FAM13B: variants seen among roughly 807,000 people sequenced by gnomAD.
The protein encoded by FAM13B is protein FAM13B.
In FAM13B, 60 loss-of-function variants were observed where a neutral mutation model predicts 117.3. The observed-to-expected ratio is 0.51, with a 90% confidence interval of 0.42 to 0.63. The LOEUF is 0.63. FAM13B is among the 30% of genes least tolerant of loss of function. The pLI, the probability that FAM13B is intolerant of heterozygous loss-of-function variation, is 0.00. For synonymous variants in FAM13B, 332 were observed against 356.1 expected, an observed-to-expected ratio of 0.93 and a Z score of 0.76; for missense variants, 972 against 1,091.9, an observed-to-expected ratio of 0.89 and a Z score of 1.55.
intron 15 of FAM13B, 118 bp downstream of exon 15, chr5:137,954,041 CTTTTTTT>C: frequency 7.7e-6 from 3 of 388,180 alleles, no homozygotes; most frequent in African/African-American, 2.5e-5. Flanking sequence ...CAATCTCTCT[CTTTTTTT>C]TTTTTTTTTT....
chr5:137,970,779 A>G (rs1322657963), intron 10 of FAM13B, among the ~76,000 whole-genome samples: 1 of 152,124 alleles, frequency 6.6e-6, no homozygotes, highest in East Asian at 1.9e-4. Context: ...TACCAAGCAA[A>G]TGGAAAACAA....
intron 10 of FAM13B, among the ~76,000 whole-genome samples, chr5:137,968,020 G>C (rs937044695): frequency 6.6e-6 from 1 of 151,916 alleles, no homozygotes; most frequent in Non-Finnish European, 1.5e-5. Flanking sequence ...TCAGGAGTTC[G>C]AGACCAACCT....
At chr5:137,947,907 A>G (rs1167733418) in intron 18 of FAM13B, among the ~76,000 whole-genome samples, 2 of 152,078 alleles carry the variant, frequency 1.3e-5, no homozygotes, top group Non-Finnish European at 2.9e-5. Context: ...TTTTTAAGCA[A>G]AAGAAAAGTT....
rs572828557 is a variant in FAM13B at position 138,003,458 on chromosome 5, T to C, written c.848+3532A>G. On this transcript the variant is annotated intron_variant, in intron 7 of 23. Coordinates refer to ENST00000689681, the MANE Select transcript of FAM13B (RefSeq NM_001385994.1). ...GGTACTTTTTAATCTTTATACACTT[T>C]ATCAGCCAAAACTAAAATAAAAAGG... Among the ~76,000 whole-genome samples, 27 of 152,322 alleles carry C rather than the reference T, an allele frequency of 1.8e-4. No individual in the cohort carries two copies. In the South Asian group the frequency reaches 5.2e-3, roughly 29 times the overall value.
At chr5:137,966,476 TATATATATATATAG>T (rs1179081542) in intron 10 of FAM13B, among the ~76,000 whole-genome samples, 1 of 66,906 alleles carries the variant, frequency 1.5e-5, no homozygotes, top group Non-Finnish European at 3.0e-5. Flanking sequence ...TATATATATA[TATATATATATATAG>T]AGAGAGAGAG....
Position 137,948,956 on chromosome 5 carries a change from T to C in FAM13B, c.2159A>G (p.Lys720Arg). The change falls in exon 18 of 24, where the codon AAG (lysine) becomes AGG (arginine). Residue 720 changes from lysine to arginine, a missense_variant and splice_region_variant. Physicochemically the swap from Lys to Arg is conservative, Grantham distance 26. Transcript: ENST00000689681. ...RIERCLPEDI[K>R]KMTKDHLVEE... ...GCAAAAATCATAGCTCAAGATTACC[T>C]TGATATCTTCTGGAAGACACCTCTC... The C allele has an allele frequency of 1.2e-6, 2 of 1,610,872 alleles. No individual in the cohort carries two copies. The highest frequency in any genetic ancestry group is 2.7e-5 in the African/African-American group (2 of 74,906).
intron 1 of FAM13B, 94 bp downstream of exon 1, chr5:138,032,688 T>C (rs1790459884): frequency 4.1e-6 from 4 of 979,060 alleles, no homozygotes; most frequent in Non-Finnish European, 4.9e-6. Context: ...CAGGCGCGGG[T>C]GGCAGGCGGC....
intron 1 of FAM13B, among the ~76,000 whole-genome samples, chr5:138,047,097 C>T (rs1266246024): frequency 1.3e-5 from 2 of 152,062 alleles, no homozygotes; most frequent in Admixed American, 6.6e-5. Flanking sequence ...ATGGAGTGAG[C>T]TATCTGTAGA....
In FAM13B at chr5:137,949,091, T is replaced by A; in HGVS notation, c.2024A>T (p.His675Leu). 1 of 1,614,108 alleles carries A rather than the reference T, an allele frequency of 6.2e-7. No homozygotes were observed. Among genetic ancestry groups the A allele is most frequent in the Non-Finnish European group, 8.5e-7 (1 of 1,179,986 alleles). Residue 675 changes from histidine to leucine, a missense_variant, in exon 18 of 24, where the codon CAT (histidine) becomes CTT (leucine). By Grantham distance (99) the His-to-Leu change is moderately conservative. Transcript: ENST00000689681. ...LPKSFGSSLD[H>L]EDEENEDEPK... ...TTCATCTTCATTCTCTTCATCTTCATGGTCTAGAGAAGAGCCAAAGCTTTT... is the reference window on the plus strand; with the variant it reads ...TTCATCTTCATTCTCTTCATCTTCAAGGTCTAGAGAAGAGCCAAAGCTTTT...
chr5:137,974,376 G>A (rs1444306404), intron 10 of FAM13B, among the ~76,000 whole-genome samples: 18 of 145,372 alleles, frequency 1.2e-4, no homozygotes, highest in South Asian at 2.2e-4. Context: ...ACCAAACACC[G>A]CATATTCTCA....
At chr5:137,954,060 T>TTTTA in intron 15 of FAM13B, 106 bp downstream of exon 15, 26 of 523,716 alleles carry the variant, frequency 5.0e-5, no homozygotes, top group South Asian at 2.2e-4. Flanking sequence ...TTTTTTTTTT[T>TTTTA]GAGATGGAGT....
intron 10 of FAM13B, among the ~76,000 whole-genome samples, chr5:137,973,264 T>C (rs1772854617): frequency 6.6e-6 from 1 of 152,128 alleles, no homozygotes; most frequent in South Asian, 2.1e-4. Flanking sequence ...AACAGAGATA[T>C]AGATCAATGG....
intron 1 of FAM13B, among the ~76,000 whole-genome samples, chr5:138,049,625 T>C (rs1333445493): frequency 2.6e-5 from 4 of 152,184 alleles, no homozygotes; most frequent in Non-Finnish European, 4.4e-5. Context: ...TGGAGTAAGT[T>C]ACCAAGCAAA....
chr5:137,951,600 AGT>A (rs1765052725), intron 17 of FAM13B, among the ~76,000 whole-genome samples: 1 of 152,192 alleles, frequency 6.6e-6, no homozygotes, highest in Non-Finnish European at 1.5e-5. Flanking sequence ...TCAAGGCTGC[AGT>A]GAGCCATGAC....
intron 7 of FAM13B, among the ~76,000 whole-genome samples, chr5:137,992,564 A>G (rs1778886875): frequency 6.6e-6 from 1 of 152,168 alleles, no homozygotes; most frequent in African/African-American, 2.4e-5. Flanking sequence ...ATTGCACTCT[A>G]GCCTGGGCAA....
chr5:138,009,854 G>C (rs982368273), intron 6 of FAM13B, among the ~76,000 whole-genome samples: 3 of 150,488 alleles, frequency 2.0e-5, no homozygotes, highest in Non-Finnish European at 4.4e-5. Flanking sequence ...TATTGTGGTT[G>C]ATTAATAAAA....
In FAM13B at chr5:137,939,830, GT is replaced by G; in HGVS notation, c.*394del. 7.8e-7 allele frequency: 1 copy of G among 1,281,942 alleles called. No individual in the cohort carries two copies. Among genetic ancestry groups the G allele is most frequent in the African/African-American group, 1.5e-5 (1 of 65,600 alleles). The allele number at this position is 1,281,942 out of a possible 1,614,324, so 79.4% of individuals were successfully genotyped here. A position where few individuals can be genotyped will look rare whatever the true frequency, so the allele number is the denominator to read the frequency against. ...AAGAAAAAGGCAACAGAAGAATTCA[GT>G]ATGAAGATTTTCCTCCAATTTTCTT... On this transcript the variant is annotated 3_prime_UTR_variant, in exon 24 of 24. Coordinates refer to ENST00000689681, the MANE Select transcript of FAM13B (RefSeq NM_001385994.1).
intron 1 of FAM13B, among the ~76,000 whole-genome samples, chr5:138,051,102 A>G (rs569625248): frequency 3.0e-4 from 46 of 152,290 alleles, no homozygotes; most frequent in Non-Finnish European, 5.0e-4. Context: ...CTTCTGAAAT[A>G]TATCCTCTCA....
At chr5:137,988,763 C>T (rs1179333299) in intron 7 of FAM13B, among the ~76,000 whole-genome samples, 6 of 151,882 alleles carry the variant, frequency 4.0e-5, no homozygotes, top group Non-Finnish European at 7.4e-5. Context: ...CCTTCTACAA[C>T]AAAAAAAAGT....
Sources: gnomAD v4.1 joint callset for allele counts (sites outside exome capture counted in the v4.1 genomes callset) on GRCh38, gnomAD v4.1.1 for gene constraint, MANE v1.5 for transcripts, NCBI Gene and HGNC (gene_info 2026-07-23, HGNC 2026-07-21) for gene names.